The following GSG1L variants were observed in gnomAD, a reference collection of about 807,000 sequenced individuals.
The protein encoded by GSG1L is germ cell-specific gene 1-like protein.
A neutral mutation model predicts 42.1 loss-of-function variants in GSG1L; 24 were observed. The observed-to-expected ratio is 0.57, with a 90% confidence interval of 0.41 to 0.80. The LOEUF is 0.80. Ranked by LOEUF, GSG1L falls within the 30% of genes least tolerant of loss-of-function variation. The pLI, the probability that GSG1L is intolerant of heterozygous loss-of-function variation, is 0.00. For synonymous variants in GSG1L, 215 were observed against 203.5 expected, an observed-to-expected ratio of 1.06 and a Z score of -0.48; for missense variants, 445 against 472.2, an observed-to-expected ratio of 0.94 and a Z score of 0.53.
chr16:27,967,723 G>C (rs545427958), intron 1 of GSG1L, among the ~76,000 whole-genome samples: 2 of 152,162 alleles, frequency 1.3e-5, no homozygotes, highest in African/African-American at 2.4e-5. Flanking sequence ...GACCAGCCTG[G>C]CCAACACGGA....
intron 3 of GSG1L, among the ~76,000 whole-genome samples, chr16:27,877,084 G>T (rs2083897173): frequency 1.3e-5 from 2 of 152,110 alleles, no homozygotes; most frequent in African/African-American, 4.8e-5. Flanking sequence ...ACAGAAATTT[G>T]CCCAGCCCGC....
intron 2 of GSG1L, among the ~76,000 whole-genome samples, chr16:27,930,370 A>G (rs575989515): frequency 9.9e-5 from 15 of 152,220 alleles, no homozygotes; most frequent in African/African-American, 3.1e-4. Context: ...TTCTCTTCAC[A>G]ATTGCAACCC....
chr16:28,053,401 T>G (rs1237808949), intron 1 of GSG1L, among the ~76,000 whole-genome samples: 2 of 152,206 alleles, frequency 1.3e-5, no homozygotes, highest in African/African-American at 4.8e-5. Context: ...GAGGGGTCAG[T>G]GATGAAACGA....
intron 5 of GSG1L, among the ~76,000 whole-genome samples, chr16:27,815,486 A>G (rs1597468817): frequency 6.6e-6 from 1 of 152,212 alleles, no homozygotes; most frequent in East Asian, 1.9e-4. Context: ...ACCCAGCCTC[A>G]GGTATTCTTT....
intron 2 of GSG1L, among the ~76,000 whole-genome samples, chr16:27,927,555 G>A (rs1005558593): frequency 4.0e-5 from 6 of 151,812 alleles, no homozygotes; most frequent in South Asian, 2.1e-4. Flanking sequence ...GCCCTCCCTC[G>A]GACCCCTCAT....
In GSG1L at chr16:27,791,270, G is replaced by A. The variant is rs2082748279; in HGVS notation, c.*100C>T. ...CCCACGCAGGCTGACTGAGTTCACG[G>A]CACACAGGCCAGGGTTCTGGGGGCA... On this transcript the variant is annotated 3_prime_UTR_variant, in exon 7 of 7. Coordinates refer to ENST00000447459, the MANE Select transcript of GSG1L (RefSeq NM_001109763.2). The A allele has an allele frequency of 2.2e-5, 16 of 734,792 alleles. No individual in the cohort carries two copies. The highest frequency in any genetic ancestry group is 3.2e-5 in the Non-Finnish European group (16 of 493,254). 45.5% of individuals were successfully genotyped at this position (734,792 alleles called of 1,614,324 possible). A position where few individuals can be genotyped will look rare whatever the true frequency, so the allele number is the denominator to read the frequency against.
At chr16:28,061,546 T>G (rs1296634799) in intron 1 of GSG1L, among the ~76,000 whole-genome samples, 1 of 152,174 alleles carries the variant, frequency 6.6e-6, no homozygotes, top group Non-Finnish European at 1.5e-5. Flanking sequence ...CCATCCAGTA[T>G]GCACCCGGCA....
chr16:27,902,765 C>T (rs1406962839), intron 2 of GSG1L, among the ~76,000 whole-genome samples: 3 of 152,200 alleles, frequency 2.0e-5, no homozygotes, highest in African/African-American at 4.8e-5. Flanking sequence ...TTGGTTTTCT[C>T]ATCTGTAAAA....
chr16:27,884,791 G>A lies in GSG1L; in HGVS notation c.398-153C>T, dbSNP rs138306192. Among the ~76,000 whole-genome samples the A allele has an allele frequency of 4.6e-5, 7 of 152,300 alleles. No individual in the cohort carries two copies. The highest frequency in any genetic ancestry group is 9.6e-5 in the African/African-American group (4 of 41,572). The stretch of plus-strand genomic sequence containing the variant: ...GTCCTGATGGAAGCCTGTCATGGCC[G>A]TCCCATCCTTGTCTGCAGGGGCCGG... On this transcript the variant is annotated intron_variant, in intron 2 of 6. Coordinates refer to ENST00000447459, the MANE Select transcript of GSG1L (RefSeq NM_001109763.2). The surrounding 1 kb of genome is among the most constrained non-coding windows in gnomAD (Gnocchi z 4.4).
At chr16:28,045,112 C>T (rs1596727986) in intron 1 of GSG1L, among the ~76,000 whole-genome samples, 2 of 152,106 alleles carry the variant, frequency 1.3e-5, no homozygotes, top group Non-Finnish European at 2.9e-5. Flanking sequence ...GGTAGTGAAA[C>T]GACTCTGTCT....
intron 3 of GSG1L, among the ~76,000 whole-genome samples, chr16:27,877,218 C>T (rs551991628): frequency 3.1e-4 from 47 of 152,190 alleles, no homozygotes; most frequent in African/African-American, 9.6e-4. Flanking sequence ...CATGGGCAGC[C>T]GGAGCCATCC....
At chr16:27,979,726 G>A (rs11643152) in intron 1 of GSG1L, among the ~76,000 whole-genome samples, 14,050 of 53,516 alleles carry the variant, frequency 0.26, 3,675 homozygotes, top group African/African-American at 0.33. Flanking sequence ...AAGGAAGGAA[G>A]GAAAGAAAAA....
At chr16:27,923,463 C>T (rs886876735) in intron 2 of GSG1L, among the ~76,000 whole-genome samples, 29 of 152,262 alleles carry the variant, frequency 1.9e-4, no homozygotes, top group African/African-American at 4.8e-4. Flanking sequence ...GTGCCAAAAA[C>T]GCCAGGCAAA....
intron 3 of GSG1L, among the ~76,000 whole-genome samples, chr16:27,868,610 T>A (rs1229694512): frequency 3.3e-5 from 5 of 149,430 alleles, no homozygotes; most frequent in Non-Finnish European, 5.9e-5. Flanking sequence ...AAAAAAAAGA[T>A]GATATTTTGA....
intron 4 of GSG1L, among the ~76,000 whole-genome samples, chr16:27,841,991 C>T (rs1388319242): frequency 1.3e-5 from 2 of 152,178 alleles, no homozygotes; most frequent in Admixed American, 6.5e-5. Flanking sequence ...ATATGCAACA[C>T]GAGGTTACTG....
intron 4 of GSG1L, among the ~76,000 whole-genome samples, chr16:27,834,557 T>A (rs2140972201): frequency 1.3e-5 from 2 of 152,284 alleles, no homozygotes; most frequent in South Asian, 4.2e-4. Context: ...ACCTGGAGAT[T>A]TCTGTTTTGA....
At chr16:27,977,242 T>C (rs768265425) in intron 1 of GSG1L, among the ~76,000 whole-genome samples, 1 of 152,222 alleles carries the variant, frequency 6.6e-6, no homozygotes, top group Non-Finnish European at 1.5e-5. Flanking sequence ...AGTCCTTATC[T>C]GTCCAAGGCT....
In GSG1L at chr16:27,884,463, C is replaced by T; in HGVS notation, c.550+23G>A. On this transcript the variant is annotated intron_variant, in intron 3 of 6. Transcript: ENST00000447459. This position sits in a 1 kb window ranked among gnomAD's most constrained non-coding sequence, Gnocchi z 4.4. ...CCTTTCTCGCCTGTGCTCTGAGAGGCCACAGGACCAGCCATGCCTTACCTG... is the reference window on the plus strand; with the variant it reads ...CCTTTCTCGCCTGTGCTCTGAGAGGTCACAGGACCAGCCATGCCTTACCTG... The T allele has an allele frequency of 6.2e-7, 1 of 1,605,824 alleles. No individual in the cohort carries two copies. Among genetic ancestry groups the T allele is most frequent in the Non-Finnish European group, 8.5e-7 (1 of 1,174,920 alleles).
chr16:27,944,775 A>C (rs980899797), intron 2 of GSG1L, among the ~76,000 whole-genome samples: 28 of 152,068 alleles, frequency 1.8e-4, no homozygotes, highest in African/African-American at 6.5e-4. Context: ...AAATCTATAG[A>C]GATAGAAAGT....
Sources: gnomAD v4.1 joint callset for allele counts (sites outside exome capture counted in the v4.1 genomes callset) on GRCh38, gnomAD v4.1.1 for gene constraint, Gnocchi (gnomAD v3.1) non-coding constraint, MANE v1.5 for transcripts, NCBI Gene and HGNC (gene_info 2026-07-23, HGNC 2026-07-21) for gene names.